ERC2: variants seen among roughly 807,000 people sequenced by gnomAD.
The protein encoded by ERC2 is ELKS/RAB6-interacting/CAST family member 2.
Under a neutral mutation model 114.8 loss-of-function variants are expected in ERC2, and 42 were observed. That is an observed-to-expected ratio of 0.37 (90% CI 0.29 to 0.47). The LOEUF is 0.47. Ranked by LOEUF, ERC2 falls within the 20% of genes least tolerant of loss-of-function variation. The pLI is 0.99. For missense variants in ERC2, 939 were observed against 1,150.7 expected (o/e 0.82, Z 2.66); for synonymous variants, 454 against 425.5 (o/e 1.07, Z -0.82).
chr3:55,761,746 G>C (rs1214577229), intron 14 of ERC2, among the ~76,000 whole-genome samples: 1 of 151,782 alleles, frequency 6.6e-6, no homozygotes, highest in Admixed American at 6.6e-5. Flanking sequence ...TTTTGTGGCG[G>C]GCGCCTGTAG....
intron 14 of ERC2, among the ~76,000 whole-genome samples, chr3:55,855,658 T>G (rs1048742574): frequency 1.3e-5 from 2 of 152,148 alleles, no homozygotes; most frequent in Non-Finnish European, 2.9e-5. Context: ...AAAAACAGAA[T>G]CAAACAGAAT....
rs182675176 is a variant in ERC2 at position 56,196,761 on chromosome 3, T to A, written c.1075-23241A>T. ...CGAGGCCTAGCTACTGAGCCACAGA[T>A]AAATGTTTCTTCAAGATAGTAAATC... is the stretch of plus-strand genomic sequence containing the variant. On this transcript the variant is annotated intron_variant, in intron 3 of 17. Coordinates refer to ENST00000288221, the MANE Select transcript of ERC2 (RefSeq NM_015576.3). 3.9e-3 allele frequency among the ~76,000 whole-genome samples: 599 copies of A among 152,258 alleles called. 5 individuals are homozygous for A. The highest frequency in any genetic ancestry group is 0.024 in the Middle Eastern group (7 of 294).
intron 3 of ERC2, among the ~76,000 whole-genome samples, chr3:56,191,354 C>CCTAG (rs1211225808): frequency 6.6e-6 from 1 of 152,158 alleles, no homozygotes; most frequent in African/African-American, 2.4e-5. Context: ...GAGTCTCTGA[C>CCTAG]CTAGCTCCCC....
At chr3:55,913,750 C>T (rs2064943032) in intron 13 of ERC2, among the ~76,000 whole-genome samples, 1 of 152,154 alleles carries the variant, frequency 6.6e-6, no homozygotes, top group Admixed American at 6.5e-5. Context: ...AAACTCACCA[C>T]CTCACCTCCC....
In ERC2 at chr3:55,509,796, A is replaced by G. The variant is rs2051964547; in HGVS notation, c.*1520T>C. ...AAATTCAATGCAAGACTTCAGGGACATCTGTTTAGAATCCTTTCCACAGCA... is the reference window on the plus strand; with the variant it reads ...AAATTCAATGCAAGACTTCAGGGACGTCTGTTTAGAATCCTTTCCACAGCA... On this transcript the variant is annotated 3_prime_UTR_variant, in exon 18 of 18. Coordinates refer to ENST00000288221, the MANE Select transcript of ERC2 (RefSeq NM_015576.3). The G allele has an allele frequency of 1.3e-5, 2 of 152,664 alleles. No homozygotes were observed. Among genetic ancestry groups the G allele is most frequent in the African/African-American group, 4.8e-5 (2 of 41,474 alleles). 9.5% of individuals were successfully genotyped at this position (152,664 alleles called of 1,614,324 possible). A position where few individuals can be genotyped will look rare whatever the true frequency, so the allele number is the denominator to read the frequency against.
chr3:56,285,011 T>TCTCA (rs2054588289), intron 3 of ERC2, among the ~76,000 whole-genome samples: 10 of 95,686 alleles, frequency 1.0e-4, no homozygotes, highest in Admixed American at 2.8e-4. Flanking sequence ...TCTCTCTCTC[T>TCTCA]CACACACACA....
intron 12 of ERC2, among the ~76,000 whole-genome samples, chr3:55,974,966 G>T (rs2069468322): frequency 6.6e-6 from 1 of 152,308 alleles, no homozygotes; most frequent in Middle Eastern, 3.4e-3. Context: ...GGTCCCAGGA[G>T]TGCTTGAGCC....
intron 3 of ERC2, among the ~76,000 whole-genome samples, chr3:56,190,339 C>T (rs529423925): frequency 1.3e-5 from 2 of 152,332 alleles, no homozygotes; most frequent in South Asian, 2.1e-4. Context: ...CTGCAACCAC[C>T]TCATTGAGTT....
chr3:55,678,094 G>T (rs1413917189), intron 17 of ERC2, among the ~76,000 whole-genome samples: 1 of 152,148 alleles, frequency 6.6e-6, no homozygotes, highest in Non-Finnish European at 1.5e-5. Context: ...ACCTTCCAGA[G>T]GAGTAGAAGA....
At chr3:55,896,476 A>G (rs1442433283) in intron 13 of ERC2, among the ~76,000 whole-genome samples, 1 of 152,246 alleles carries the variant, frequency 6.6e-6, no homozygotes, top group African/African-American at 2.4e-5. Context: ...TCCAGCAAGA[A>G]AGCAACCCAT....
At chr3:56,302,841 T>C (rs888888652) in intron 2 of ERC2, among the ~76,000 whole-genome samples, 1 of 152,232 alleles carries the variant, frequency 6.6e-6, no homozygotes, top group Non-Finnish European at 1.5e-5. Context: ...TCCATTCCAC[T>C]GCACATCAGG....
intron 2 of ERC2, among the ~76,000 whole-genome samples, chr3:56,386,930 G>C (rs891899564): frequency 2.0e-5 from 3 of 152,146 alleles, no homozygotes; most frequent in African/African-American, 7.2e-5. Context: ...TTGCAACAGG[G>C]CCTGAAGCCT....
intron 10 of ERC2, among the ~76,000 whole-genome samples, chr3:56,001,833 G>A (rs2072090929): frequency 6.6e-6 from 1 of 152,070 alleles, no homozygotes; most frequent in African/African-American, 2.4e-5. Context: ...TAGTAAGTAT[G>A]AAACAATTGC....
chr3:56,304,402 A>T (rs2056088181), intron 2 of ERC2, among the ~76,000 whole-genome samples: 1 of 152,248 alleles, frequency 6.6e-6, no homozygotes. Context: ...AAGAAACAGA[A>T]ATCCTGAAGA....
chr3:55,676,876 G>C (rs907605445), intron 17 of ERC2, among the ~76,000 whole-genome samples: 1 of 152,162 alleles, frequency 6.6e-6, no homozygotes, highest in African/African-American at 2.4e-5. Flanking sequence ...CTGGCCCAGT[G>C]GTAATTTATC....
chr3:55,851,050 C>A (rs2061549796), intron 14 of ERC2, among the ~76,000 whole-genome samples: 1 of 152,114 alleles, frequency 6.6e-6, no homozygotes, highest in Non-Finnish European at 1.5e-5. Context: ...GAAGTCCATG[C>A]TCAAAATCCA....
At chr3:55,856,515 C>T (rs2061791270) in intron 14 of ERC2, among the ~76,000 whole-genome samples, 1 of 152,066 alleles carries the variant, frequency 6.6e-6, no homozygotes, top group Non-Finnish European at 1.5e-5. Context: ...ATAAACAAAA[C>T]ATATATATAC....
chr3:55,702,919 G>A (rs935488682), intron 15 of ERC2, among the ~76,000 whole-genome samples: 1 of 152,166 alleles, frequency 6.6e-6, no homozygotes, highest in Non-Finnish European at 1.5e-5. Flanking sequence ...CTCATTTAGC[G>A]ATTCACTGAG....
At chr3:56,032,291 A>G (rs570197240) in intron 7 of ERC2, among the ~76,000 whole-genome samples, 3 of 152,346 alleles carry the variant, frequency 2.0e-5, no homozygotes, top group South Asian at 4.1e-4. Flanking sequence ...ACAAACTTCA[A>G]CAGGAGATTT....
Sources: gnomAD v4.1 joint callset for allele counts (sites outside exome capture counted in the v4.1 genomes callset) on GRCh38, gnomAD v4.1.1 for gene constraint, MANE v1.5 for transcripts, NCBI Gene and HGNC (gene_info 2026-07-23, HGNC 2026-07-21) for gene names.